The following UBE2E3 variants were observed in gnomAD, a reference collection of about 807,000 sequenced individuals.
UBE2E3 encodes the protein ubiquitin conjugating enzyme E2 E3, also known as ubiquitin-conjugating enzyme E2 E3.
A neutral mutation model predicts 23.6 loss-of-function variants in UBE2E3; 5 were observed. The ratio of observed to expected loss-of-function variants is 0.21; its 90% CI spans 0.11 to 0.44. The LOEUF (loss-of-function observed/expected upper bound fraction) is 0.44. UBE2E3 is among the 20% of genes least tolerant of loss of function. The probability of loss-of-function intolerance (pLI) is 0.99; values close to 1 mark genes in which losing one functional copy is unlikely to be tolerated. For missense variants in UBE2E3, 81 were observed against 249.8 expected (o/e 0.32, Z 4.55); for synonymous variants, 78 against 87.5 (o/e 0.89, Z 0.60).
chr2:181,011,362 A>T (rs1679842035), intron 3 of UBE2E3, among the ~76,000 whole-genome samples: 1 of 152,080 alleles, frequency 6.6e-6, no homozygotes, highest in Non-Finnish European at 1.5e-5. Context: ...AGATAACTGC[A>T]CACAAGGGCA....
At chr2:180,987,255 C>T in intron 3 of UBE2E3, 2 of 1,447,446 alleles carry the variant, frequency 1.4e-6, no homozygotes, top group South Asian at 2.6e-5. Context: ...TGGGCATTTC[C>T]CTATTTGTAT....
intron 3 of UBE2E3, among the ~76,000 whole-genome samples, chr2:181,012,947 A>G (rs182227367): frequency 1.2e-3 from 189 of 152,216 alleles, no homozygotes; most frequent in African/African-American, 4.3e-3. Context: ...GGCCTTGTCC[A>G]CTCCCATATA....
At chr2:181,026,817 TATC>T (rs1314723700) in intron 3 of UBE2E3, among the ~76,000 whole-genome samples, 78 of 152,070 alleles carry the variant, frequency 5.1e-4, no homozygotes, top group African/African-American at 1.6e-3. Flanking sequence ...ATTGAACAGA[TATC>T]ATCAGTAAAC....
rs186201888 is a variant in UBE2E3 at position 181,045,024 on chromosome 2, T to C, written c.246-12669T>C. ...AAGATTTTACCTTCCTCTAGTAGTATACCTTGTGTTTATGCTTTTACGTCT... is the reference window on the plus strand; with the variant it reads ...AAGATTTTACCTTCCTCTAGTAGTACACCTTGTGTTTATGCTTTTACGTCT... On this transcript the variant is annotated intron_variant, in intron 3 of 5. Transcript: ENST00000410062. Among the ~76,000 whole-genome samples, 35 of 152,314 alleles carry C rather than the reference T, an allele frequency of 2.3e-4. No individual in the cohort carries two copies. The East Asian group carries it at 6.2e-3, about 27-fold the overall frequency.
intron 3 of UBE2E3, among the ~76,000 whole-genome samples, chr2:181,054,052 T>C (rs572126157): frequency 2.0e-5 from 3 of 151,820 alleles, no homozygotes; most frequent in Non-Finnish European, 4.4e-5. Flanking sequence ...CCGAATAATA[T>C]TTCGTTGTCT....
At chr2:181,055,303 C>T (rs576002685) in intron 3 of UBE2E3, among the ~76,000 whole-genome samples, 1 of 151,722 alleles carries the variant, frequency 6.6e-6, no homozygotes, top group African/African-American at 2.4e-5. Context: ...TTATTGGCAT[C>T]ACTCACCAGA....
In UBE2E3 at chr2:181,003,942, A is replaced by G. The variant is rs955170257; in HGVS notation, c.245+19849A>G. Among the ~76,000 whole-genome samples the G allele has an allele frequency of 3.9e-5, 6 of 152,244 alleles. No individual in the cohort carries two copies. The East Asian group carries it at 9.6e-4, about 24-fold the overall frequency. On this transcript the variant is annotated intron_variant, in intron 3 of 5. Coordinates refer to ENST00000410062, the MANE Select transcript of UBE2E3 (RefSeq NM_006357.4). ...GAAGAATAAATTCTTCAGAAATTATATAACTAGTCTAAAGACAGACTAATA... is the reference window on the plus strand; with the variant it reads ...GAAGAATAAATTCTTCAGAAATTATGTAACTAGTCTAAAGACAGACTAATA...
At chr2:181,049,562 C>T (rs924057567) in intron 3 of UBE2E3, among the ~76,000 whole-genome samples, 4 of 151,892 alleles carry the variant, frequency 2.6e-5, no homozygotes, top group African/African-American at 7.3e-5. Flanking sequence ...GACTTGACTG[C>T]GTTTGGATGA....
intron 3 of UBE2E3, among the ~76,000 whole-genome samples, chr2:181,012,088 G>A (rs777405546): frequency 6.6e-6 from 1 of 152,076 alleles, no homozygotes; most frequent in Non-Finnish European, 1.5e-5. Context: ...CAAGTTAATT[G>A]ATGTTTTCTT....
chr2:181,018,901 C>G (rs1252425126), intron 3 of UBE2E3, among the ~76,000 whole-genome samples: 1 of 152,078 alleles, frequency 6.6e-6, no homozygotes, highest in African/African-American at 2.4e-5. Context: ...GTTCCATGCT[C>G]TCAGATTTTT....
At chr2:181,001,669 G>A (rs1684994854) in intron 3 of UBE2E3, among the ~76,000 whole-genome samples, 3 of 152,210 alleles carry the variant, frequency 2.0e-5, no homozygotes, top group African/African-American at 4.8e-5. Flanking sequence ...AAAGGCCATA[G>A]GAAATCTTTA....
chr2:181,005,573 A>G (rs1305076645), intron 3 of UBE2E3, among the ~76,000 whole-genome samples: 2 of 152,168 alleles, frequency 1.3e-5, no homozygotes, highest in South Asian at 2.1e-4. Flanking sequence ...CTATTTCTCC[A>G]TAGTCCTTAC....
intron 3 of UBE2E3, among the ~76,000 whole-genome samples, chr2:181,056,021 T>C (rs944565690): frequency 2.0e-5 from 3 of 150,492 alleles, no homozygotes; most frequent in Non-Finnish European, 4.4e-5. Context: ...GAACCCTGGC[T>C]CTTTGGAAAA....
At chr2:181,023,180 A>G (rs1685761807) in intron 3 of UBE2E3, among the ~76,000 whole-genome samples, 3 of 152,246 alleles carry the variant, frequency 2.0e-5, no homozygotes, top group Admixed American at 2.0e-4. Context: ...AAGTAGAAAC[A>G]TCAGGAACCA....
rs140791170 is a variant in UBE2E3 at position 180,997,999 on chromosome 2, A to G, written c.245+13906A>G. 7.7e-3 allele frequency among the ~76,000 whole-genome samples: 1,165 copies of G among 152,114 alleles called. 7 individuals carry two copies. Among genetic ancestry groups the G allele is most frequent in the Non-Finnish European group, 0.013 (899 of 67,978 alleles). ...GGCACTAGGACTGGGTATAGCTCTT[A>G]TATTTCTTTATATTTTCATCTCGGT... is the stretch of plus-strand genomic sequence containing the variant. On this transcript the variant is annotated intron_variant, in intron 3 of 5. Transcript: ENST00000410062.
At chr2:181,042,653 A>AC (rs1686551019) in intron 3 of UBE2E3, among the ~76,000 whole-genome samples, 1 of 152,152 alleles carries the variant, frequency 6.6e-6, no homozygotes, top group Non-Finnish European at 1.5e-5. Context: ...TTGAGCAAGC[A>AC]CCTGACCTCA....
At chr2:181,036,562 A>G (rs560344027) in intron 3 of UBE2E3, among the ~76,000 whole-genome samples, 1 of 152,240 alleles carries the variant, frequency 6.6e-6, no homozygotes, top group Non-Finnish European at 1.5e-5. Flanking sequence ...GTGTGCCTAA[A>G]TTGTCCCCAC....
intron 3 of UBE2E3, among the ~76,000 whole-genome samples, chr2:180,998,021 C>T (rs1039207741): frequency 1.3e-5 from 2 of 151,958 alleles, no homozygotes; most frequent in Non-Finnish European, 2.9e-5. Flanking sequence ...ATTTTCATCT[C>T]GGTAAAATGC....
chr2:181,001,462 G>A (rs868595856), intron 3 of UBE2E3, among the ~76,000 whole-genome samples: 1 of 152,150 alleles, frequency 6.6e-6, no homozygotes, highest in African/African-American at 2.4e-5. Flanking sequence ...AATGTAGAGG[G>A]TGGGACATCA....
Sources: allele counts gnomAD v4.1 joint callset (sites outside exome capture counted in the v4.1 genomes callset), GRCh38; gene constraint gnomAD v4.1.1; transcripts MANE v1.5; gene names NCBI Gene and HGNC (gene_info 2026-07-23, HGNC 2026-07-21).